Variants in TLE3 observed in about 807,000 individuals in gnomAD.
TLE3 encodes the protein transducin-like enhancer protein 3.
Under a neutral mutation model 93.0 loss-of-function variants are expected in TLE3, and 14 were observed. The observed-to-expected ratio is 0.15, with a 90% CI of 0.10 to 0.24. TLE3 has a LOEUF of 0.24. Ranked by LOEUF, TLE3 falls within the 10% of genes least tolerant of loss-of-function variation. TLE3 has a pLI of 1.00. For missense variants in TLE3, 693 were observed against 1,046.6 expected, an observed-to-expected ratio of 0.66 and a Z score of 4.66; for synonymous variants, 451 against 425.0, an observed-to-expected ratio of 1.06 and a Z score of -0.75.
Position 70,054,604 on chromosome 15 carries a change from T to A in TLE3, c.1660A>T (p.Thr554Ser). Reference protein sequence around the residue: ...LIVGGEASTLTIWDLASPTPR... With the variant: ...LIVGGEASTLSIWDLASPTPR... ...GTGGGCGAGGCCAGGTCCCAGATGGTGAGCGTGCTGGCCTCGCCGCCCACG... is the reference window on the plus strand; with the variant it reads ...GTGGGCGAGGCCAGGTCCCAGATGGAGAGCGTGCTGGCCTCGCCGCCCACG... Residue 554 changes from threonine (T) to serine (S), a missense_variant, in exon 16 of 20, where the codon ACC (threonine) becomes TCC (serine). This residue lies in a region of TLE3 where 153 missense variants were observed against 379.9 expected (regional missense o/e 0.40). Transcript: ENST00000451782. 6.2e-7 allele frequency: 1 copy of A among 1,613,132 alleles called. No homozygotes were observed. The highest frequency in any genetic ancestry group is 1.1e-5 in the South Asian group (1 of 91,012).
chr15:70,094,480 T>G, intron 4 of TLE3, 52 bp downstream of exon 4: 1 of 1,340,464 alleles, frequency 7.5e-7, no homozygotes, highest in Non-Finnish European at 1.0e-6. Context: ...GAAGTCCACA[T>G]ATATAAGTTT....
intron 17 of TLE3, 113 bp downstream of exon 17, chr15:70,053,114 C>A (rs2055694682): frequency 2.2e-6 from 3 of 1,394,080 alleles, no homozygotes; most frequent in African/African-American, 1.4e-5. Context: ...GGTCCCAAGT[C>A]TCTTGGCCGT....
rs149630693 is a variant in TLE3 at position 70,080,682 on chromosome 15, C to T, written c.235-4524G>A. 3.6e-3 allele frequency among the ~76,000 whole-genome samples: 550 copies of T among 152,288 alleles called. 2 individuals carry two copies. Among genetic ancestry groups the T allele is most frequent in the African/African-American group, 0.013 (529 of 41,558 alleles). On this transcript the variant is annotated intron_variant, in intron 4 of 19. Coordinates refer to ENST00000451782, the MANE Select transcript of TLE3 (RefSeq NM_001105192.3). Reference sequence around the variant, plus strand: ...TGATCATCTCCTCATTAAAGCAGGACCTCTGAACATCTTGCTGTAAACCGA... The same window carrying T: ...TGATCATCTCCTCATTAAAGCAGGATCTCTGAACATCTTGCTGTAAACCGA...
rs919141851 is a variant in TLE3, at chr15:70,057,406, G to A, written c.1251+53C>T. 1.5e-5 allele frequency: 23 copies of A among 1,528,210 alleles called. No homozygotes were observed. In the African/African-American group the frequency reaches 2.6e-4, roughly 17 times the overall value. The allele number at this position is 1,528,210 out of a possible 1,614,324, so 94.7% of individuals were successfully genotyped here. On this transcript the variant is annotated intron_variant, in intron 13 of 19. Coordinates refer to ENST00000451782, the MANE Select transcript of TLE3 (RefSeq NM_001105192.3). ...TGTGGGGAGCACCCGTCCAACCACTGGCTCCCCACACCACGCCCAGTCCCC... is the reference window on the plus strand; with the variant it reads ...TGTGGGGAGCACCCGTCCAACCACTAGCTCCCCACACCACGCCCAGTCCCC...
chr15:70,089,390 T>A (rs976182798), intron 4 of TLE3, among the ~76,000 whole-genome samples: 1 of 152,112 alleles, frequency 6.6e-6, no homozygotes, highest in Non-Finnish European at 1.5e-5. Flanking sequence ...ACCCAGCACA[T>A]CCCAGTCCCC....
In TLE3 at chr15:70,096,988, C is replaced by T; in HGVS notation, c.-190G>A. On this transcript the variant is annotated 5_prime_UTR_variant, in exon 1 of 20. Transcript: ENST00000451782. Reference sequence around the variant, plus strand: ...GCCCGCCCCAAGTGGAGACAAAGAGCCGCGGAGCAGGCGGCAAAGTCGTCG... The same window carrying T: ...GCCCGCCCCAAGTGGAGACAAAGAGTCGCGGAGCAGGCGGCAAAGTCGTCG... 2 of 701,818 alleles carry T rather than the reference C, an allele frequency of 2.8e-6. No individual in the cohort carries two copies. The highest frequency in any genetic ancestry group is 1.9e-5 in the African/African-American group (1 of 52,720). 43.5% of individuals were successfully genotyped at this position (701,818 alleles called of 1,614,324 possible).
chr15:70,058,561 C>A lies in TLE3; in HGVS notation c.918+102G>T. 6.9e-7 allele frequency: 1 copy of A among 1,456,748 alleles called. No individual in the cohort carries two copies. Among genetic ancestry groups the A allele is most frequent in the South Asian group, 1.4e-5 (1 of 70,984 alleles). 90.2% of individuals were successfully genotyped at this position (1,456,748 alleles called of 1,614,324 possible). Reference sequence around the variant, plus strand: ...AAGGTAAACCGGGGCCAATCACCCACCCAGCTTCTCCCACTCCACCCCTCT... The same window carrying A: ...AAGGTAAACCGGGGCCAATCACCCAACCAGCTTCTCCCACTCCACCCCTCT... On this transcript the variant is annotated intron_variant, in intron 11 of 19. Coordinates refer to ENST00000451782, the MANE Select transcript of TLE3 (RefSeq NM_001105192.3). This position sits in a 1 kb window ranked among gnomAD's most constrained non-coding sequence, Gnocchi z 4.1.
At chr15:70,088,539 T>C (rs1278619972) in intron 4 of TLE3, among the ~76,000 whole-genome samples, 2 of 152,208 alleles carry the variant, frequency 1.3e-5, no homozygotes, top group African/African-American at 4.8e-5. Context: ...ATATTGTCCC[T>C]TTAAGCATAT....
At chr15:70,056,053 T>C in intron 14 of TLE3, 1 of 586,246 alleles carries the variant, frequency 1.7e-6, no homozygotes, top group East Asian at 2.9e-5. Flanking sequence ...GGCCATGTAC[T>C]TAGCTAACTC....
chr15:70,059,574 C>T lies in TLE3; in HGVS notation c.715-114G>A, dbSNP rs2056328078. Reference sequence around the variant, plus strand: ...GCCAGGACCTGAAGCCAGGCCAAACCCCAAAGTCCATGCTTTCTACTCCAG... The same window carrying T: ...GCCAGGACCTGAAGCCAGGCCAAACTCCAAAGTCCATGCTTTCTACTCCAG... On this transcript the variant is annotated intron_variant, in intron 9 of 19. Coordinates refer to ENST00000451782, the MANE Select transcript of TLE3 (RefSeq NM_001105192.3). The T allele has an allele frequency of 5.0e-6, 5 of 990,866 alleles. 1 individual carries two copies. The highest frequency in any genetic ancestry group is 5.3e-5 in the East Asian group (2 of 37,698). 61.4% of individuals were successfully genotyped at this position (990,866 alleles called of 1,614,324 possible).
At chr15:70,077,657 C>T (rs1184874320) in intron 4 of TLE3, among the ~76,000 whole-genome samples, 5 of 152,212 alleles carry the variant, frequency 3.3e-5, no homozygotes, top group Admixed American at 1.3e-4. Flanking sequence ...CTGCCAGCCA[C>T]GGTGGCAGGG....
chr15:70,079,715 C>T (rs1476370218), intron 4 of TLE3, among the ~76,000 whole-genome samples: 1 of 151,862 alleles, frequency 6.6e-6, no homozygotes, highest in Non-Finnish European at 1.5e-5. Flanking sequence ...GGGGAAGTTC[C>T]TGGAAATGGA....
rs377109080 is a variant in TLE3, at chr15:70,097,779, AACAC to A, written c.-985_-982del. The A allele has an allele frequency of 8.4e-5, 32 of 382,320 alleles. No homozygotes were observed. Among genetic ancestry groups the A allele is most frequent in the South Asian group, 2.8e-4 (2 of 7,068 alleles). 23.7% of individuals were successfully genotyped at this position (382,320 alleles called of 1,614,324 possible). On this transcript the variant is annotated 5_prime_UTR_variant, in exon 1 of 20. Coordinates refer to ENST00000451782, the MANE Select transcript of TLE3 (RefSeq NM_001105192.3). ...GCAAACCCCCAAAACACACACACCC[AACAC>A]ACACACACGCGCGCACGCACACACA...
In TLE3 at chr15:70,086,752, C is replaced by T. The variant is rs538807987; in HGVS notation, c.234+7780G>A. 2.6e-5 allele frequency among the ~76,000 whole-genome samples: 4 copies of T among 152,314 alleles called. No individual in the cohort carries two copies. In the East Asian group the frequency reaches 7.7e-4, roughly 29 times the overall value. ...AGGCCACAACACTTGGAACTCCATG[C>T]CCAAACAGCCAAGGCATGGCAAGCC... is the stretch of plus-strand genomic sequence containing the variant. On this transcript the variant is annotated intron_variant, in intron 4 of 19. Transcript: ENST00000451782.
At chr15:70,052,228 A>G in intron 18 of TLE3, 146 bp downstream of exon 18, 1 of 948,798 alleles carries the variant, frequency 1.1e-6, no homozygotes, top group Non-Finnish European at 1.5e-6. Context: ...AAGGGTGTTG[A>G]AGGGGCACCA....
In TLE3 at chr15:70,093,652, C is replaced by T. The variant is rs772988024; in HGVS notation, c.234+880G>A. Among the ~76,000 whole-genome samples the T allele has an allele frequency of 1.4e-3, 212 of 152,348 alleles. 2 individuals are homozygous for T. The highest frequency in any genetic ancestry group is 6.3e-4 in the Non-Finnish European group (43 of 68,040). On this transcript the variant is annotated intron_variant, in intron 4 of 19. Coordinates refer to ENST00000451782, the MANE Select transcript of TLE3 (RefSeq NM_001105192.3). The stretch of plus-strand genomic sequence containing the variant: ...AGCCTTTCCTCAGAACACAAATACA[C>T]AAACAGGCCTCTCCCACAGCCCAGC...
intron 2 of TLE3, 105 bp downstream of exon 2, chr15:70,096,056 C>T (rs2058542454): frequency 7.6e-7 from 1 of 1,308,350 alleles, no homozygotes; most frequent in Non-Finnish European, 1.0e-6. Context: ...GCTGCCCCGC[C>T]GCCCCTAGGT....
chr15:70,066,300 G>C, intron 6 of TLE3, 82 bp from the exon 7 acceptor site: 1 of 1,251,568 alleles, frequency 8.0e-7, no homozygotes, highest in Non-Finnish European at 1.1e-6. Flanking sequence ...GGGAGGGAGT[G>C]GCTCTTCCCA....
intron 12 of TLE3, chr15:70,057,915 CAG>C: frequency 1.4e-6 from 1 of 726,608 alleles, no homozygotes; most frequent in Non-Finnish European, 2.2e-6. Flanking sequence ...GGACTAATGA[CAG>C]GGGTGGGAAC....
Sources: allele counts gnomAD v4.1 joint callset (sites outside exome capture counted in the v4.1 genomes callset), GRCh38; gene constraint gnomAD v4.1.1; regional missense constraint gnomAD v4.1.1; non-coding constraint Gnocchi (gnomAD v3.1); transcripts MANE v1.5; gene names NCBI Gene and HGNC (gene_info 2026-07-23, HGNC 2026-07-21).